PDE1C: variants seen among roughly 807,000 people sequenced by gnomAD.
The protein encoded by PDE1C is phosphodiesterase 1C.
Under a neutral mutation model 93.1 loss-of-function variants are expected in PDE1C, and 62 were observed. The ratio of observed to expected loss-of-function variants is 0.67; its 90% CI spans 0.54 to 0.82. The LOEUF is 0.82. PDE1C is among the 40% of genes least tolerant of loss of function. PDE1C has a pLI of 0.00. For missense variants in PDE1C, 742 were observed against 884.6 expected (o/e 0.84, Z 2.04); for synonymous variants, 325 against 310.1 (o/e 1.05, Z -0.50).
intron 1 of PDE1C, among the ~76,000 whole-genome samples, chr7:32,218,609 G>C (rs1222070931): frequency 2.0e-5 from 3 of 152,180 alleles, no homozygotes; most frequent in African/African-American, 7.2e-5. Flanking sequence ...CATATGTAGA[G>C]GCTCAAGCAA....
the PDE1C span, among the ~76,000 whole-genome samples, chr7:31,625,635 G>A: frequency 1.3e-5 from 2 of 152,180 alleles, no homozygotes; most frequent in South Asian, 4.1e-4. Flanking sequence ...GGTGGGAGGA[G>A]GGGGGAGGGA....
At chr7:31,677,972 C>T in the PDE1C span, among the ~76,000 whole-genome samples, 2 of 151,994 alleles carry the variant, frequency 1.3e-5, no homozygotes, top group Non-Finnish European at 2.9e-5. Context: ...AAAGTAATAG[C>T]TTTTATATGT....
intron 3 of PDE1C, among the ~76,000 whole-genome samples, chr7:32,101,016 A>AC (rs1163033569): frequency 2.0e-5 from 3 of 151,918 alleles, no homozygotes; most frequent in South Asian, 2.1e-4. Flanking sequence ...TCCCACACTG[A>AC]CCCCCCTTGC....
intron 1 of PDE1C, among the ~76,000 whole-genome samples, chr7:32,068,214 G>A (rs181358105): frequency 9.8e-5 from 15 of 152,314 alleles, no homozygotes; most frequent in Admixed American, 6.5e-4. Context: ...TTCTCTTACT[G>A]ACAATCTGTT....
intron 2 of PDE1C, among the ~76,000 whole-genome samples, chr7:31,989,918 AT>A (rs1174870277): frequency 2.0e-5 from 3 of 152,230 alleles, no homozygotes; most frequent in Non-Finnish European, 2.9e-5. Flanking sequence ...CACCAATTCA[AT>A]TATTCATTAA....
chr7:32,169,009 T>G, intron 3 of PDE1C, among the ~76,000 whole-genome samples: 1 of 151,976 alleles, frequency 6.6e-6, no homozygotes, highest in East Asian at 1.9e-4. Context: ...AGAAGTAAAA[T>G]TGACATAACA....
chr7:31,971,458 A>C (rs1810951091), intron 2 of PDE1C, among the ~76,000 whole-genome samples: 1 of 152,138 alleles, frequency 6.6e-6, no homozygotes, highest in Admixed American at 6.5e-5. Context: ...AAATGATGGG[A>C]GTCTCTGACG....
rs192301668 is a variant in PDE1C, at chr7:32,001,536, G to A, written c.128+50018C>T. On this transcript the variant is annotated intron_variant, in intron 2 of 17. Transcript: ENST00000396191. ...TCAGGGCTGGCCCTGGAGTAACAGC[G>A]TACACACCAGCTCCCATAAAGGAGT... 3.5e-3 allele frequency among the ~76,000 whole-genome samples: 482 copies of A among 138,688 alleles called. 13 individuals carry two copies. The East Asian group carries it at 0.077, about 22-fold the overall frequency. The allele number at this position is 138,688 out of a possible 152,430, so 91.0% of individuals were successfully genotyped here.
intron 2 of PDE1C, among the ~76,000 whole-genome samples, chr7:31,936,988 A>C (rs1020436989): frequency 2.0e-5 from 3 of 152,160 alleles, no homozygotes; most frequent in Non-Finnish European, 2.9e-5. Context: ...GCCCATCTCC[A>C]AATGGGCAGG....
intron 1 of PDE1C, among the ~76,000 whole-genome samples, chr7:32,283,771 A>T (rs565596025): frequency 2.0e-5 from 3 of 152,362 alleles, no homozygotes; most frequent in Non-Finnish European, 4.4e-5. Context: ...GAAATCCAGC[A>T]GAGACCTCAT....
intron 1 of PDE1C, among the ~76,000 whole-genome samples, chr7:32,372,551 T>C (rs754751712): frequency 5.3e-5 from 8 of 152,072 alleles, no homozygotes; most frequent in Non-Finnish European, 1.2e-4. Context: ...TATAAGTAAA[T>C]CTTTGTGATT....
intron 2 of PDE1C, among the ~76,000 whole-genome samples, chr7:31,963,391 A>G (rs567130166): frequency 3.6e-4 from 55 of 152,338 alleles, no homozygotes; most frequent in Middle Eastern, 6.8e-3. Flanking sequence ...CATCTTAAAA[A>G]ATGAAGTCTT....
the PDE1C span, chr7:31,656,575 T>C: frequency 1.5e-6 from 1 of 675,888 alleles, no homozygotes; most frequent in Non-Finnish European, 1.8e-6. Flanking sequence ...TACCTACCGC[T>C]TGATGAATGA....
At chr7:31,651,937 A>T in the PDE1C span, 1 of 1,584,980 alleles carries the variant, frequency 6.3e-7, no homozygotes, top group Non-Finnish European at 8.6e-7. Context: ...ATTTACTTGC[A>T]GGGAGGAGGC....
chr7:31,936,378 T>C (rs114481225), intron 2 of PDE1C, among the ~76,000 whole-genome samples: 78 of 150,846 alleles, frequency 5.2e-4, no homozygotes, highest in African/African-American at 1.8e-3. Flanking sequence ...AACTCAACAA[T>C]ATGCCCTTAC....
At chr7:32,309,906 C>A (rs1318224804) in intron 1 of PDE1C, among the ~76,000 whole-genome samples, 1 of 152,280 alleles carries the variant, frequency 6.6e-6, no homozygotes, top group Admixed American at 6.5e-5. Flanking sequence ...ACAATGTTAA[C>A]TTTAAATGTA....
intron 2 of PDE1C, among the ~76,000 whole-genome samples, chr7:32,019,569 T>C (rs1459740077): frequency 6.6e-6 from 1 of 152,114 alleles, no homozygotes; most frequent in African/African-American, 2.4e-5. Flanking sequence ...TACAGCTACA[T>C]ATGACTTGAA....
chr7:31,873,300 G>A lies in PDE1C; in HGVS notation c.601C>T (p.Arg201Cys), dbSNP rs770988547. Residue 201 changes from arginine to cysteine, a missense_variant, in exon 6 of 18, where the codon CGT becomes TGT. Arg to Cys is a radical substitution (Grantham distance 180). Transcript: ENST00000396191. Reference protein sequence around the residue: ...ELLTRYDLISRFKIPISALVS... With the variant: ...ELLTRYDLISCFKIPISALVS... ...TTTAAAGAGGTACTGACCTTGAAAC[G>A]GCTGATCAGATCATAACGTGTGAGT... The A allele has an allele frequency of 1.5e-5, 24 of 1,597,826 alleles. No individual in the cohort carries two copies. Among genetic ancestry groups the A allele is most frequent in the South Asian group, 5.5e-5 (5 of 90,412 alleles).
intron 2 of PDE1C, among the ~76,000 whole-genome samples, chr7:32,175,756 C>T (rs1365070945): frequency 3.3e-5 from 5 of 152,194 alleles, no homozygotes; most frequent in Non-Finnish European, 5.9e-5. Context: ...CTTTCATGAG[C>T]GTCCTATCTA....
Sources: allele counts gnomAD v4.1 joint callset (sites outside exome capture counted in the v4.1 genomes callset), GRCh38; gene constraint gnomAD v4.1.1; transcripts MANE v1.5; gene names NCBI Gene and HGNC (gene_info 2026-07-23, HGNC 2026-07-21).